LPP: variants seen among roughly 807,000 people sequenced by gnomAD.
LPP encodes the protein lipoma-preferred partner.
LPP carries 38 observed loss-of-function variants against 60.4 expected under a neutral mutation model. The ratio of observed to expected loss-of-function variants is 0.63; its 90% CI spans 0.49 to 0.83. The LOEUF (loss-of-function observed/expected upper bound fraction) is 0.83, where lower values mean the gene tolerates loss of function less well. Ranked by LOEUF, LPP falls within the 40% of genes least tolerant of loss-of-function variation. LPP has a pLI of 0.00. For missense variants in LPP, 902 were observed against 783.6 expected (o/e 1.15, Z -1.80); for synonymous variants, 328 against 290.8 (o/e 1.13, Z -1.30).
At chr3:188,618,934 TTCA>T (rs1305445000) in intron 7 of LPP, among the ~76,000 whole-genome samples, 1 of 152,232 alleles carries the variant, frequency 6.6e-6, no homozygotes, top group Non-Finnish European at 1.5e-5. Flanking sequence ...TTTTTTGTGG[TTCA>T]TAATGCAATT....
chr3:188,851,919 C>T (rs1378399289), intron 9 of LPP, among the ~76,000 whole-genome samples: 4 of 152,136 alleles, frequency 2.6e-5, no homozygotes, highest in African/African-American at 9.7e-5. Flanking sequence ...TCCCGGCACA[C>T]TGGGAGGCTG....
chr3:188,537,147 T>G (rs538356830), intron 6 of LPP, among the ~76,000 whole-genome samples: 10 of 152,366 alleles, frequency 6.6e-5, no homozygotes, highest in Non-Finnish European at 1.3e-4. Context: ...GATGTTTAAC[T>G]TTGTTGATCT....
At position 188,498,308 on chromosome 3, in the gene LPP, A is replaced by G. The variant is rs372553598; in HGVS notation, c.306+13604A>G. Among the ~76,000 whole-genome samples, 14 of 152,246 alleles carry G rather than the reference A, an allele frequency of 9.2e-5. 1 individual carries two copies. In the East Asian group the frequency reaches 1.3e-3, roughly 15 times the overall value. On this transcript the variant is annotated intron_variant, in intron 5 of 11. Transcript: ENST00000617246. ...AGTATCCATCTTCAGAACTCATTTC[A>G]TCTTGCAAAACTGAACCTCTATACC...
At chr3:188,466,739 G>A (rs1485950410) in intron 4 of LPP, among the ~76,000 whole-genome samples, 1 of 138,922 alleles carries the variant, frequency 7.2e-6, no homozygotes, top group Non-Finnish European at 1.5e-5. Flanking sequence ...ATGCCTTTTA[G>A]TCTCAGTTAT....
intron 6 of LPP, among the ~76,000 whole-genome samples, chr3:188,596,797 A>G (rs1840072763): frequency 6.6e-6 from 1 of 152,160 alleles, no homozygotes; most frequent in Non-Finnish European, 1.5e-5. Flanking sequence ...CGGTCACCCA[A>G]ATTTTTTTAG....
At chr3:188,686,983 A>G (rs1860887877) in intron 7 of LPP, among the ~76,000 whole-genome samples, 1 of 152,212 alleles carries the variant, frequency 6.6e-6, no homozygotes, top group Admixed American at 6.5e-5. Flanking sequence ...GGCACCTGGT[A>G]TGTGTGTGCT....
At chr3:188,249,645 C>T (rs1245498871) in intron 2 of LPP, among the ~76,000 whole-genome samples, 1 of 151,846 alleles carries the variant, frequency 6.6e-6, no homozygotes, top group Non-Finnish European at 1.5e-5. Flanking sequence ...CCCCTCTCCT[C>T]TTTCTGATGG....
chr3:188,860,378 A>G (rs1414707331), intron 9 of LPP, among the ~76,000 whole-genome samples: 1 of 152,108 alleles, frequency 6.6e-6, no homozygotes, highest in Non-Finnish European at 1.5e-5. Flanking sequence ...TCTGTTGGGA[A>G]CACCTACACT....
chr3:188,793,083 G>T (rs983546010), intron 9 of LPP, among the ~76,000 whole-genome samples: 3 of 152,172 alleles, frequency 2.0e-5, no homozygotes, highest in African/African-American at 7.2e-5. Flanking sequence ...TGTCAGAGGG[G>T]CTGGCAGACA....
At chr3:188,753,573 T>TTGTGCGTG (rs1553829816) in intron 8 of LPP, among the ~76,000 whole-genome samples, 195 of 118,288 alleles carry the variant, frequency 1.6e-3, no homozygotes, top group South Asian at 5.1e-3. Context: ...TTTTGGCTTG[T>TTGTGCGTG]TGTGTGCGTG....
chr3:188,415,055 G>T (rs191697489), intron 4 of LPP, among the ~76,000 whole-genome samples: 48 of 152,192 alleles, frequency 3.2e-4, no homozygotes, highest in Admixed American at 8.5e-4. Flanking sequence ...AAGGTGATGG[G>T]TGCCTCCTAA....
chr3:188,521,905 G>T (rs550066433), intron 5 of LPP, among the ~76,000 whole-genome samples: 1 of 152,096 alleles, frequency 6.6e-6, no homozygotes, highest in East Asian at 1.9e-4. Flanking sequence ...TTATATCTGC[G>T]CACAAGAGGA....
rs375544166 is a variant in LPP at position 188,609,332 on chromosome 3, C to A, written c.601C>A (p.Pro201Thr). The part of the protein sequence containing the change: ...IPVAPIGTLK[P>T]QPQPVPASYT... ...TGTGGCTCCAATCGGAACACTCAAA[C>A]CCCAGCCTCAGCCAGTCCCAGCCTC... Residue 201 changes from proline to threonine, a missense_variant, in exon 7 of 12, where the codon CCC (proline) becomes ACC (threonine). Pro to Thr is a conservative substitution (Grantham distance 38, BLOSUM62 -1). Coordinates refer to ENST00000617246, the MANE Select transcript of LPP (RefSeq NM_001375462.1). The surrounding 1 kb of genome is among the most constrained non-coding windows in gnomAD (Gnocchi z 6.9). 6 of 1,613,976 alleles carry A rather than the reference C, an allele frequency of 3.7e-6. No homozygotes were observed. Among genetic ancestry groups the A allele is most frequent in the African/African-American group, 1.3e-5 (1 of 74,888 alleles).
chr3:188,218,184 G>A (rs750835478), intron 1 of LPP, among the ~76,000 whole-genome samples: 4 of 152,168 alleles, frequency 2.6e-5, no homozygotes, highest in African/African-American at 4.8e-5. Context: ...ACTGGACTGC[G>A]GTCCAAGGGC....
intron 2 of LPP, among the ~76,000 whole-genome samples, chr3:188,332,762 G>C (rs1000466759): frequency 6.6e-6 from 1 of 152,088 alleles, no homozygotes; most frequent in East Asian, 1.9e-4. Flanking sequence ...GCTTCTTATC[G>C]GGGAGACACT....
chr3:188,622,138 G>A (rs1337137042), intron 7 of LPP, among the ~76,000 whole-genome samples: 1 of 152,132 alleles, frequency 6.6e-6, no homozygotes, highest in Non-Finnish European at 1.5e-5. Context: ...TCACCCAGAT[G>A]GCAATACAAC....
chr3:188,651,550 C>G (rs891313121), intron 7 of LPP, among the ~76,000 whole-genome samples: 1 of 152,156 alleles, frequency 6.6e-6, no homozygotes. Flanking sequence ...ATACCTGAGA[C>G]TGGACAATTT....
intron 2 of LPP, among the ~76,000 whole-genome samples, chr3:188,241,191 T>A (rs898849143): frequency 6.6e-6 from 1 of 152,284 alleles, no homozygotes; most frequent in South Asian, 2.1e-4. Context: ...TGGGTATGGA[T>A]AGAACTACTG....
intron 6 of LPP, among the ~76,000 whole-genome samples, chr3:188,605,481 A>C (rs1842212101): frequency 6.6e-6 from 1 of 152,154 alleles, no homozygotes. Flanking sequence ...ATTGAGTCTG[A>C]AAAGCATATG....
Sources: gnomAD v4.1 joint callset for allele counts (sites outside exome capture counted in the v4.1 genomes callset) on GRCh38, gnomAD v4.1.1 for gene constraint, Gnocchi (gnomAD v3.1) non-coding constraint, MANE v1.5 for transcripts, NCBI Gene and HGNC (gene_info 2026-07-23, HGNC 2026-07-21) for gene names.